PCDHA1: variants seen among roughly 807,000 people sequenced by gnomAD.
The protein encoded by PCDHA1 is protocadherin alpha-1.
PCDHA1 carries 42 observed loss-of-function variants against 61.3 expected under a neutral mutation model. The ratio of observed to expected loss-of-function variants is 0.69; its 90% CI spans 0.54 to 0.89. The LOEUF is 0.89. Ranked by LOEUF, PCDHA1 falls within the 40% of genes least tolerant of loss-of-function variation. The pLI, the probability that PCDHA1 is intolerant of heterozygous loss-of-function variation, is 0.00. For synonymous variants in PCDHA1, 610 were observed against 553.8 expected (o/e 1.10, Z -1.43); for missense variants, 1,256 against 1,235.3 (o/e 1.02, Z -0.25).
rs930549883 is a variant in PCDHA1, at chr5:140,805,626, T to C, written c.2394+16942T>C. 6.6e-6 allele frequency: 6 copies of C among 905,476 alleles called. No homozygotes were observed. In the African/African-American group the frequency reaches 1.1e-4, roughly 16 times the overall value. The allele number at this position is 905,476 out of a possible 1,614,324, so 56.1% of individuals were successfully genotyped here. On this transcript the variant is annotated intron_variant, in intron 1 of 3. Transcript: ENST00000504120. ...AAATTTCTTTATGTAAGAAAATGTA[T>C]TGTGGTTTATTTATTGGGAAGTCTT...
At chr5:140,988,860 T>C (rs1270376752) in intron 3 of PCDHA1, 2 of 152,204 alleles carry the variant, frequency 1.3e-5, no homozygotes, top group South Asian at 2.1e-4. Flanking sequence ...TCCAGTCTCA[T>C]GTGCACTCAG....
chr5:140,946,561 T>C (rs1193170794), intron 1 of PCDHA1, among the ~76,000 whole-genome samples: 1 of 148,756 alleles, frequency 6.7e-6, no homozygotes, highest in Non-Finnish European at 1.5e-5. Context: ...AGTTCAGATA[T>C]AGAATCAACT....
At chr5:140,801,677 A>G in intron 1 of PCDHA1, 1 of 1,614,226 alleles carries the variant, frequency 6.2e-7, no homozygotes, top group Non-Finnish European at 8.5e-7. Flanking sequence ...CATCAGATGC[A>G]GATATCGGAA....
chr5:140,874,556 C>CAAAA (rs2054997993), intron 1 of PCDHA1, among the ~76,000 whole-genome samples: 1 of 152,178 alleles, frequency 6.6e-6, no homozygotes, highest in African/African-American at 2.4e-5. Flanking sequence ...AGAGATCTTT[C>CAAAA]GCATTTTAGT....
intron 1 of PCDHA1, chr5:140,850,430 G>C (rs1346427061): frequency 1.9e-6 from 3 of 1,597,884 alleles, no homozygotes; most frequent in Non-Finnish European, 1.7e-6. Context: ...CACCGCGCCA[G>C]CGCCTACTGG....
chr5:141,005,819 G>A, intron 3 of PCDHA1, among the ~76,000 whole-genome samples: 1 of 151,636 alleles, frequency 6.6e-6, no homozygotes, highest in South Asian at 2.1e-4. Context: ...CAGGTATGGT[G>A]GCCTGTAGTC....
intron 1 of PCDHA1, chr5:140,875,824 C>T (rs1554167977): frequency 7.4e-6 from 12 of 1,614,156 alleles, no homozygotes; most frequent in East Asian, 2.2e-5. Context: ...GCAGGTTTTC[C>T]ATGTGGACGT....
chr5:140,836,968 T>A, intron 1 of PCDHA1: 1 of 385,792 alleles, frequency 2.6e-6, no homozygotes, highest in South Asian at 6.2e-5. Flanking sequence ...TTGGCTACTC[T>A]CCATTTTTGG....
intron 1 of PCDHA1, chr5:140,849,824 G>A (rs2150452119): frequency 3.1e-6 from 5 of 1,598,646 alleles, no homozygotes; most frequent in Non-Finnish European, 2.6e-6. Flanking sequence ...GGGTGTCTGT[G>A]GAGGTGGCCG....
intron 1 of PCDHA1, chr5:140,823,973 G>C: frequency 1.9e-6 from 3 of 1,614,090 alleles, no homozygotes; most frequent in South Asian, 2.2e-5. Flanking sequence ...GTGTGCACAC[G>C]GGGCAAGCCC....
chr5:140,946,974 G>A (rs1554217987), intron 1 of PCDHA1, among the ~76,000 whole-genome samples: 1 of 151,636 alleles, frequency 6.6e-6, no homozygotes, highest in African/African-American at 2.4e-5. Context: ...TTATAGAATA[G>A]AGGATTTTGA....
Position 140,875,692 on chromosome 5 carries a change from C to G in PCDHA1, c.2394+87008C>G, listed in dbSNP as rs781893034. On this transcript the variant is annotated intron_variant, in intron 1 of 3. Coordinates refer to ENST00000504120, the MANE Select transcript of PCDHA1 (RefSeq NM_018900.4). ...GGTGGCGTCCAAAAGACACGGGGAC[C>G]TTCTGGAGGTAAATCTGCAGAATGG... The G allele has an allele frequency of 3.7e-6, 6 of 1,613,938 alleles. No individual in the cohort carries two copies. In the African/African-American group the frequency reaches 5.3e-5, roughly 14 times the overall value.
At chr5:140,967,102 G>A (rs1279026258) in intron 1 of PCDHA1, 1 of 1,612,978 alleles carries the variant, frequency 6.2e-7, no homozygotes, top group African/African-American at 1.3e-5. Context: ...CGCTGTGTGA[G>A]CAGCGGCCTC....
At chr5:140,849,982 A>T (rs2150461317) in intron 1 of PCDHA1, 3 of 1,597,430 alleles carry the variant, frequency 1.9e-6, no homozygotes, top group Non-Finnish European at 2.6e-6. Flanking sequence ...TCGCTGGTGG[A>T]GCGGCGGTTG....
At chr5:141,005,199 C>T (rs2098200928) in intron 3 of PCDHA1, among the ~76,000 whole-genome samples, 1 of 152,208 alleles carries the variant, frequency 6.6e-6, no homozygotes, top group African/African-American at 2.4e-5. Flanking sequence ...TCCTTTCATT[C>T]ATTCATCCAG....
In PCDHA1 at chr5:140,788,078, A is replaced by C; in HGVS notation, c.1788A>C (p.Ala596=). ...GAGHVVAKVR[A]VDADSGYNAW... ...GTCATGTGGTGGCGAAGGTGCGCGC[A>C]GTGGACGCCGACTCGGGCTACAACG... The change falls in exon 1 of 4, where the codon GCA becomes GCC. Residue 596 remains alanine, a synonymous_variant. Transcript: ENST00000504120. 6.2e-7 allele frequency: 1 copy of C among 1,613,976 alleles called. No individual in the cohort carries two copies. The highest frequency in any genetic ancestry group is 1.3e-5 in the African/African-American group (1 of 75,054).
intron 1 of PCDHA1, among the ~76,000 whole-genome samples, chr5:140,906,517 TACTC>T (rs2072719927): frequency 2.0e-5 from 3 of 152,358 alleles, no homozygotes; most frequent in Admixed American, 6.5e-5. Context: ...AAGGAGGAAA[TACTC>T]ACGACAATTA....
chr5:140,853,333 G>A (rs905529637), intron 1 of PCDHA1: 2 of 983,832 alleles, frequency 2.0e-6, no homozygotes, highest in Middle Eastern at 5.3e-4. Context: ...ATCTTTTGAG[G>A]TCATTAGCAA....
chr5:140,942,713 T>C (rs2093359728), intron 1 of PCDHA1, among the ~76,000 whole-genome samples: 2 of 152,208 alleles, frequency 1.3e-5, no homozygotes, highest in Non-Finnish European at 1.5e-5. Flanking sequence ...AGTAAAAGTA[T>C]GAAATTTTGT....
Sources: allele counts gnomAD v4.1 joint callset (sites outside exome capture counted in the v4.1 genomes callset), GRCh38; gene constraint gnomAD v4.1.1; transcripts MANE v1.5; gene names NCBI Gene and HGNC (gene_info 2026-07-23, HGNC 2026-07-21).